DOCK1: variants seen among roughly 807,000 people sequenced by gnomAD.
DOCK1 encodes dedicator of cytokinesis protein 1.
A neutral mutation model predicts 262.7 loss-of-function variants in DOCK1; 138 were observed. The ratio of observed to expected loss-of-function variants is 0.53; its 90% CI spans 0.46 to 0.61. The LOEUF is 0.61. Ranked by LOEUF, DOCK1 falls within the 20% of genes least tolerant of loss-of-function variation. DOCK1 has a pLI of 0.00. For synonymous variants in DOCK1, 866 were observed against 867.4 expected (o/e 1.00, Z 0.03); for missense variants, 1,908 against 2,370.7 (o/e 0.80, Z 4.05).
At chr10:127,141,920 C>T (rs2051298444) in intron 27 of DOCK1, among the ~76,000 whole-genome samples, 1 of 152,222 alleles carries the variant, frequency 6.6e-6, no homozygotes, top group Non-Finnish European at 1.5e-5. Flanking sequence ...GCAAGACATA[C>T]TCCAGGATCT....
chr10:127,074,526 A>C (rs555510242), intron 23 of DOCK1, among the ~76,000 whole-genome samples: 1 of 152,330 alleles, frequency 6.6e-6, no homozygotes, highest in South Asian at 2.1e-4. Context: ...TTCAAGTAGA[A>C]TTATTTTTCC....
At chr10:127,259,807 T>A (rs920429996) in intron 29 of DOCK1, among the ~76,000 whole-genome samples, 4 of 144,522 alleles carry the variant, frequency 2.8e-5, no homozygotes, top group African/African-American at 1.0e-4. Context: ...TTTTTTTTTT[T>A]ATAATTGAGA....
chr10:127,403,716 G>A (rs577383592), intron 39 of DOCK1, among the ~76,000 whole-genome samples: 51 of 152,276 alleles, frequency 3.3e-4, no homozygotes, highest in African/African-American at 1.2e-3. Flanking sequence ...CTGAGATCGC[G>A]CCAATGCACT....
chr10:127,264,505 G>A (rs2060284849), intron 29 of DOCK1, among the ~76,000 whole-genome samples: 1 of 152,188 alleles, frequency 6.6e-6, no homozygotes, highest in Non-Finnish European at 1.5e-5. Context: ...AATAGAATAT[G>A]TAAAATTGTA....
intron 27 of DOCK1, among the ~76,000 whole-genome samples, chr10:127,159,889 G>A (rs1164743393): frequency 2.0e-5 from 3 of 152,168 alleles, no homozygotes; most frequent in Non-Finnish European, 2.9e-5. Flanking sequence ...AGCAGGGCAC[G>A]GGAGGGCTGG....
At chr10:126,970,681 T>C (rs2038035972) in intron 1 of DOCK1, 21 bp from the exon 2 acceptor site, 2 of 1,577,158 alleles carry the variant, frequency 1.3e-6, no homozygotes, top group South Asian at 2.2e-5. Flanking sequence ...TACTAATATA[T>C]TTCCCCTTTT....
In DOCK1 at chr10:127,042,695, C is replaced by T. The variant is rs775635038; in HGVS notation, c.2081C>T (p.Thr694Met). 6.2e-6 allele frequency: 10 copies of T among 1,614,044 alleles called. No homozygotes were observed. Among genetic ancestry groups the T allele is most frequent in the South Asian group, 2.2e-5 (2 of 91,068 alleles). The stretch of plus-strand genomic sequence containing the variant: ...AACTCAGAGAGTGAGACTTTTGACA[C>T]GTTAGTCTTTGATGCTCTGGTAAGA... ...MENSESETFD[T>M]LVFDALVFII... The change falls in exon 20 of 52, where the codon ACG (threonine) becomes ATG (methionine). Residue 694 changes from threonine (T) to methionine (M), a missense_variant. Thr to Met is a moderately conservative substitution (Grantham distance 81). This residue lies in a region of DOCK1 where 294 missense variants were observed against 439.9 expected (regional missense o/e 0.67). Transcript: ENST00000623213.
Position 127,026,484 on chromosome 10 carries a change from C to T in DOCK1, c.1624+60C>T, listed in dbSNP as rs1431371711. On this transcript the variant is annotated intron_variant, in intron 16 of 51. Coordinates refer to ENST00000623213, the MANE Select transcript of DOCK1 (RefSeq NM_001290223.2). Reference sequence around the variant, plus strand: ...TTTAAGGGAGAACTGGGGGAAAGCGCGAGAGGCCACTCTCAGTTGTTCTGG... The same window carrying T: ...TTTAAGGGAGAACTGGGGGAAAGCGTGAGAGGCCACTCTCAGTTGTTCTGG... 3.2e-5 allele frequency: 46 copies of T among 1,456,626 alleles called. 1 individual carries two copies. In the Middle Eastern group the frequency reaches 1.2e-3, roughly 38 times the overall value. 90.2% of individuals were successfully genotyped at this position (1,456,626 alleles called of 1,614,324 possible).
intron 18 of DOCK1, among the ~76,000 whole-genome samples, chr10:127,035,218 GT>G: frequency 6.6e-6 from 1 of 152,282 alleles, no homozygotes; most frequent in African/African-American, 2.4e-5. Flanking sequence ...ACCATGATTT[GT>G]TCCTGCGAAG....
intron 27 of DOCK1, among the ~76,000 whole-genome samples, chr10:127,218,464 C>T (rs570708430): frequency 1.3e-5 from 2 of 152,230 alleles, no homozygotes; most frequent in South Asian, 4.1e-4. Context: ...AAGACTAGAA[C>T]AGAAGTTTTC....
chr10:127,288,766 A>G lies in DOCK1; in HGVS notation c.3044+31337A>G, dbSNP rs138162883. Among the ~76,000 whole-genome samples, 487 of 123,598 alleles carry G rather than the reference A, an allele frequency of 3.9e-3. 1 individual carries two copies. The highest frequency in any genetic ancestry group is 0.014 in the African/African-American group (419 of 29,794). 81.1% of individuals were successfully genotyped at this position (123,598 alleles called of 152,430 possible). On this transcript the variant is annotated intron_variant, in intron 29 of 51. Coordinates refer to ENST00000623213, the MANE Select transcript of DOCK1 (RefSeq NM_001290223.2). ...ATACATAGTATATACTATACTATGTATATATTTCACACACACACACACACA... is the reference window on the plus strand; with the variant it reads ...ATACATAGTATATACTATACTATGTGTATATTTCACACACACACACACACA...
intron 18 of DOCK1, 25 bp downstream of exon 18, chr10:127,032,345 T>A: frequency 6.7e-7 from 1 of 1,486,952 alleles, no homozygotes; most frequent in Non-Finnish European, 8.9e-7. Flanking sequence ...AGAAACACAC[T>A]CACCCCAGGA....
chr10:127,312,560 G>T (rs972051061), intron 29 of DOCK1, among the ~76,000 whole-genome samples: 2 of 152,080 alleles, frequency 1.3e-5, no homozygotes, highest in Non-Finnish European at 2.9e-5. Context: ...TGACTGGTGT[G>T]CACTGGGCCA....
At chr10:127,005,019 A>G (rs1286969633) in intron 10 of DOCK1, among the ~76,000 whole-genome samples, 2 of 151,898 alleles carry the variant, frequency 1.3e-5, no homozygotes, top group Non-Finnish European at 2.9e-5. Context: ...GTGTTGTCCA[A>G]CCAGATGTTC....
At chr10:126,960,945 A>G (rs1422084857) in intron 1 of DOCK1, among the ~76,000 whole-genome samples, 2 of 151,906 alleles carry the variant, frequency 1.3e-5, no homozygotes, top group African/African-American at 2.4e-5. Context: ...TTCCGAAGAA[A>G]GATATTAAAA....
rs144780772 is a variant in DOCK1 at position 127,391,585 on chromosome 10, C to T, written c.3927+6676C>T. Among the ~76,000 whole-genome samples, 8 of 145,544 alleles carry T rather than the reference C, an allele frequency of 5.5e-5. No individual in the cohort carries two copies. The East Asian group carries it at 1.6e-3, about 30-fold the overall frequency. ...GCAAGGATAAGTCACGTTTGCTCCT[C>T]AGGATCTGTCTATGCACGTGCCTTA... is the stretch of plus-strand genomic sequence containing the variant. On this transcript the variant is annotated intron_variant, in intron 38 of 51. Coordinates refer to ENST00000623213, the MANE Select transcript of DOCK1 (RefSeq NM_001290223.2).
intron 46 of DOCK1, among the ~76,000 whole-genome samples, chr10:127,422,857 A>AT (rs947903659): frequency 1.2e-3 from 174 of 150,894 alleles, no homozygotes; most frequent in African/African-American, 3.9e-3. Flanking sequence ...AGTTCTATTG[A>AT]TTTTTTTTTT....
chr10:126,915,916 T>C (rs1055005014), intron 1 of DOCK1, among the ~76,000 whole-genome samples: 3 of 152,144 alleles, frequency 2.0e-5, no homozygotes, highest in African/African-American at 7.2e-5. Context: ...TTTTAAGTGT[T>C]TTTTGTCTTT....
chr10:127,070,417 C>A (rs756059184), intron 23 of DOCK1, among the ~76,000 whole-genome samples: 1 of 151,764 alleles, frequency 6.6e-6, no homozygotes, highest in Non-Finnish European at 1.5e-5. Flanking sequence ...CCACGCCAAG[C>A]TAATTTTTGT....
Sources: gnomAD v4.1 joint callset for allele counts (sites outside exome capture counted in the v4.1 genomes callset) on GRCh38, gnomAD v4.1.1 for gene constraint, gnomAD v4.1.1 regional missense constraint, MANE v1.5 for transcripts, NCBI Gene and HGNC (gene_info 2026-07-23, HGNC 2026-07-21) for gene names.